The following PCDHA7 variants were observed in gnomAD, a reference collection of about 807,000 sequenced individuals.
PCDHA7 encodes the protein protocadherin alpha 7.
PCDHA7 carries 37 observed loss-of-function variants against 57.2 expected under a neutral mutation model. That is an observed-to-expected ratio of 0.65 (90% CI 0.50 to 0.85). The LOEUF (loss-of-function observed/expected upper bound fraction) is 0.85. Ranked by LOEUF, PCDHA7 falls within the 40% of genes least tolerant of loss-of-function variation. PCDHA7 has a pLI of 0.00. For synonymous variants in PCDHA7, 553 were observed against 558.8 expected, an observed-to-expected ratio of 0.99 and a Z score of 0.15; for missense variants, 1,188 against 1,241.8, an observed-to-expected ratio of 0.96 and a Z score of 0.65.
At chr5:140,981,583 T>TA (rs2096939530) in intron 2 of PCDHA7, among the ~76,000 whole-genome samples, 1 of 152,098 alleles carries the variant, frequency 6.6e-6, no homozygotes, top group Non-Finnish European at 1.5e-5. Flanking sequence ...CAAAAATAAA[T>TA]AAAATAAAAC....
At chr5:140,843,076 G>C in intron 1 of PCDHA7, 1 of 1,595,332 alleles carries the variant, frequency 6.3e-7, no homozygotes, top group South Asian at 1.1e-5. Context: ...CGCGGTCTGT[G>C]GGCGCGGGCC....
At chr5:140,850,396 C>T (rs2150482265) in intron 1 of PCDHA7, 1 of 1,597,978 alleles carries the variant, frequency 6.3e-7, no homozygotes, top group Non-Finnish European at 8.6e-7. Flanking sequence ...ATCAGCACAA[C>T]GCGTGCCCTG....
At chr5:140,937,866 C>T (rs892440956) in intron 1 of PCDHA7, among the ~76,000 whole-genome samples, 4 of 150,734 alleles carry the variant, frequency 2.7e-5, no homozygotes, top group African/African-American at 4.9e-5. Flanking sequence ...GAGCCGAGAT[C>T]GCGCCACTGC....
At chr5:140,970,762 A>C (rs2096431667) in intron 1 of PCDHA7, among the ~76,000 whole-genome samples, 1 of 152,198 alleles carries the variant, frequency 6.6e-6, no homozygotes, top group Admixed American at 6.5e-5. Context: ...TCATTGACAT[A>C]TTGCTGTACA....
chr5:140,928,974 A>G (rs772759035), intron 1 of PCDHA7: 2 of 1,613,574 alleles, frequency 1.2e-6, no homozygotes, highest in Non-Finnish European at 1.7e-6. Flanking sequence ...TTTCCTTTTT[A>G]TTTCTGGGGT....
At chr5:140,983,767 A>C (rs550605597) in intron 3 of PCDHA7, among the ~76,000 whole-genome samples, 23 of 152,326 alleles carry the variant, frequency 1.5e-4, no homozygotes, top group African/African-American at 5.3e-4. Context: ...TCAAATACAT[A>C]TCTACATACA....
chr5:140,926,311 G>C (rs2030500500), intron 1 of PCDHA7: 1 of 152,272 alleles, frequency 6.6e-6, no homozygotes, highest in South Asian at 2.1e-4. Flanking sequence ...CTCCGCCGGA[G>C]AGGTGCGCCG....
At chr5:140,861,615 C>G (rs2046996028) in intron 1 of PCDHA7, 1 of 348,276 alleles carries the variant, frequency 2.9e-6, no homozygotes, top group African/African-American at 2.1e-5. Context: ...TAAAGACAAC[C>G]TGCCAGTGTT....
In PCDHA7 at chr5:140,877,117, G is replaced by A. The variant is rs781979355; in HGVS notation, c.2355+40379G>A. The A allele has an allele frequency of 9.3e-6, 15 of 1,613,720 alleles. No homozygotes were observed. The East Asian group carries it at 1.8e-4, about 19-fold the overall frequency. ...CGGCGTGCCGCCTCTGGGCAGCAAC[G>A]TGACGCTGCAGGTGTTCGTGCTGGA... On this transcript the variant is annotated intron_variant, in intron 1 of 3. Coordinates refer to ENST00000525929, the MANE Select transcript of PCDHA7 (RefSeq NM_018910.3).
intron 1 of PCDHA7, among the ~76,000 whole-genome samples, chr5:140,972,225 G>A (rs959858462): frequency 3.3e-5 from 5 of 151,474 alleles, no homozygotes; most frequent in Admixed American, 2.0e-4. Context: ...CTGCAGCCTC[G>A]ACCTTCTGGG....
At chr5:140,896,019 C>A (rs2065310725) in intron 1 of PCDHA7, among the ~76,000 whole-genome samples, 1 of 152,144 alleles carries the variant, frequency 6.6e-6, no homozygotes, top group African/African-American at 2.4e-5. Flanking sequence ...CCATGTTGGC[C>A]AGGCTGGTCT....
rs1323301501 is a variant in PCDHA7, at chr5:140,843,782, T to C, written c.2355+7044T>C. 2.1e-6 allele frequency: 3 copies of C among 1,427,592 alleles called. No homozygotes were observed. In the African/African-American group the frequency reaches 4.2e-5, roughly 20 times the overall value. 88.4% of individuals were successfully genotyped at this position (1,427,592 alleles called of 1,614,324 possible). A position where few individuals can be genotyped will look rare whatever the true frequency, so the allele number is the denominator to read the frequency against. On this transcript the variant is annotated intron_variant, in intron 1 of 3. Coordinates refer to ENST00000525929, the MANE Select transcript of PCDHA7 (RefSeq NM_018910.3). ...GAAATTGTAGTTACTTTAAAAGTGT[T>C]TCAGATTTAGTTTTTCACCGTATTT...
chr5:140,848,526 G>T lies in PCDHA7; in HGVS notation c.2355+11788G>T. 1.9e-6 allele frequency: 3 copies of T among 1,594,384 alleles called. No individual in the cohort carries two copies. Among genetic ancestry groups the T allele is most frequent in the Non-Finnish European group, 2.6e-6 (3 of 1,164,792 alleles). ...ATACTCAAGTCGAGGAGATCCAGAGGGTCAGCCTCTACTGCTCTCGCTTCT... is the reference window on the plus strand; with the variant it reads ...ATACTCAAGTCGAGGAGATCCAGAGTGTCAGCCTCTACTGCTCTCGCTTCT... On this transcript the variant is annotated intron_variant, in intron 1 of 3. Coordinates refer to ENST00000525929, the MANE Select transcript of PCDHA7 (RefSeq NM_018910.3).
At chr5:140,876,278 C>A (rs1554168451) in intron 1 of PCDHA7, 1 of 1,614,030 alleles carries the variant, frequency 6.2e-7, no homozygotes, top group South Asian at 1.1e-5. Flanking sequence ...GCTTCCGATC[C>A]AGACGAAGGA....
intron 1 of PCDHA7, chr5:140,857,097 T>C (rs782084085): frequency 6.3e-7 from 1 of 1,597,284 alleles, no homozygotes; most frequent in Non-Finnish European, 8.6e-7. Context: ...CCTGAGGTGA[T>C]TGTCACTTCT....
intron 1 of PCDHA7, chr5:140,883,108 AT>A (rs1261032162): frequency 6.2e-7 from 1 of 1,614,018 alleles, no homozygotes; most frequent in Non-Finnish European, 8.5e-7. Flanking sequence ...TAGTTTACTC[AT>A]TTAGAAGGCC....
intron 1 of PCDHA7, chr5:140,853,156 G>A (rs2150528996): frequency 1.1e-6 from 1 of 904,258 alleles, no homozygotes; most frequent in South Asian, 5.0e-5. Context: ...TGGGATTACA[G>A]GCGTGAGCCA....
At chr5:140,950,112 A>G (rs1263517017) in intron 1 of PCDHA7, among the ~76,000 whole-genome samples, 3 of 151,944 alleles carry the variant, frequency 2.0e-5, no homozygotes, top group Non-Finnish European at 4.4e-5. Context: ...ATCTCATACA[A>G]TACAAAACCC....
intron 1 of PCDHA7, chr5:140,870,176 TACGAGAGG>T: frequency 6.2e-7 from 1 of 1,614,126 alleles, no homozygotes; most frequent in Non-Finnish European, 8.5e-7. Flanking sequence ...TCCCTCCCAG[TACGAGAGG>T]ACGCTCAGCC....
Sources: gnomAD v4.1 joint callset for allele counts (sites outside exome capture counted in the v4.1 genomes callset) on GRCh38, gnomAD v4.1.1 for gene constraint, MANE v1.5 for transcripts, NCBI Gene and HGNC (gene_info 2026-07-23, HGNC 2026-07-21) for gene names.